Variants in NSD3 observed in about 807,000 individuals in gnomAD.
NSD3 encodes histone-lysine N-methyltransferase NSD3.
Under a neutral mutation model 160.8 loss-of-function variants are expected in NSD3, and 24 were observed. The observed-to-expected ratio is 0.15, with a 90% CI of 0.11 to 0.21. The LOEUF is 0.21. Among genes scored for constraint, NSD3 ranks in the 10% least tolerant of loss-of-function variants. The probability of loss-of-function intolerance (pLI) is 1.00; values close to 1 mark genes in which losing one functional copy is unlikely to be tolerated. For synonymous variants in NSD3, 520 were observed against 600.0 expected, an observed-to-expected ratio of 0.87 and a Z score of 1.95; for missense variants, 1,157 against 1,735.9, an observed-to-expected ratio of 0.67 and a Z score of 5.93.
chr8:38,281,140 GTTGA>G (rs1041008921), intron 20 of NSD3, among the ~76,000 whole-genome samples: 2 of 152,142 alleles, frequency 1.3e-5, no homozygotes, highest in African/African-American at 4.8e-5. Flanking sequence ...GAATCACAGA[GTTGA>G]TTCTCTCCTT....
chr8:38,316,922 A>T lies in NSD3; in HGVS notation c.1856-880T>A. 1 of 1,062,550 alleles carries T rather than the reference A, an allele frequency of 9.4e-7. No homozygotes were observed. The allele number at this position is 1,062,550 out of a possible 1,614,324, so 65.8% of individuals were successfully genotyped here. The stretch of plus-strand genomic sequence containing the variant: ...TATAGGCTATACAGAAACAGCCACG[A>T]TGAAATGTGCAGATCAGGCACGGTG... On this transcript the variant is annotated intron_variant, in intron 9 of 23. Coordinates refer to ENST00000317025, the MANE Select transcript of NSD3 (RefSeq NM_023034.2). The surrounding 1 kb of genome is among the most constrained non-coding windows in gnomAD (Gnocchi z 4.5).
chr8:38,285,159 C>A (rs1808830552), intron 19 of NSD3, among the ~76,000 whole-genome samples: 1 of 152,110 alleles, frequency 6.6e-6, no homozygotes, highest in Non-Finnish European at 1.5e-5. Flanking sequence ...GGCTGTCACT[C>A]AATATTTAAT....
chr8:38,382,009 G>C lies in NSD3; in HGVS notation c.-255C>G, dbSNP rs1185352134. Reference sequence around the variant, plus strand: ...GCCGGCACTGAGGAGGGCCACGGCCGGGCCGGGCCGGGCGTGCTGCGGGAA... The same window carrying C: ...GCCGGCACTGAGGAGGGCCACGGCCCGGCCGGGCCGGGCGTGCTGCGGGAA... On this transcript the variant is annotated 5_prime_UTR_variant, in exon 1 of 24. Transcript: ENST00000317025. This position sits in a 1 kb window ranked among gnomAD's most constrained non-coding sequence, Gnocchi z 4.2. The C allele has an allele frequency of 2.0e-5, 3 of 152,588 alleles. No individual in the cohort carries two copies. The highest frequency in any genetic ancestry group is 4.4e-5 in the Non-Finnish European group (3 of 68,080). 9.5% of individuals were successfully genotyped at this position (152,588 alleles called of 1,614,324 possible). A position where few individuals can be genotyped will look rare whatever the true frequency, so the allele number is the denominator to read the frequency against.
chr8:38,321,257 G>A lies in NSD3; in HGVS notation c.1709-85C>T. ...TAATTAAGATATGACCACATTCCTTGCTTTTCTTACCCATTACTTTTGGAA... is the reference window on the plus strand; with the variant it reads ...TAATTAAGATATGACCACATTCCTTACTTTTCTTACCCATTACTTTTGGAA... On this transcript the variant is annotated intron_variant, in intron 7 of 23. Coordinates refer to ENST00000317025, the MANE Select transcript of NSD3 (RefSeq NM_023034.2). This position sits in a 1 kb window ranked among gnomAD's most constrained non-coding sequence, Gnocchi z 4.7. The A allele has an allele frequency of 9.4e-7, 1 of 1,059,228 alleles. No homozygotes were observed. The highest frequency in any genetic ancestry group is 1.4e-6 in the Non-Finnish European group (1 of 738,730). 65.6% of individuals were successfully genotyped at this position (1,059,228 alleles called of 1,614,324 possible). A position where few individuals can be genotyped will look rare whatever the true frequency, so the allele number is the denominator to read the frequency against.
chr8:38,359,278 G>GTAAA lies in NSD3; in HGVS notation c.-44-11064_-44-11063insTTTA. Among the ~76,000 whole-genome samples, 7 of 152,092 alleles carry GTAAA rather than the reference G, an allele frequency of 4.6e-5. 1 individual carries two copies. In the East Asian group the frequency reaches 1.2e-3, roughly 25 times the overall value. On this transcript the variant is annotated intron_variant, in intron 1 of 23. Coordinates refer to ENST00000317025, the MANE Select transcript of NSD3 (RefSeq NM_023034.2). ...AAGCCCCTCATCCCTTTTTGAAGTA[G>GTAAA]TACATACATATTTTTAAAGGACCCA...
chr8:38,363,572 G>A (rs1258832345), intron 1 of NSD3, among the ~76,000 whole-genome samples: 3 of 149,528 alleles, frequency 2.0e-5, no homozygotes, highest in Admixed American at 1.3e-4. Flanking sequence ...AACCTGAGAG[G>A]CAGAGGTTGC....
At chr8:38,296,048 T>C in intron 15 of NSD3, 96 bp from the exon 16 acceptor site, 1 of 1,294,302 alleles carries the variant, frequency 7.7e-7, no homozygotes, top group South Asian at 1.6e-5. Context: ...TTAAATTTGT[T>C]TCAAATTGGG....
chr8:38,357,017 G>A (rs868495668), intron 1 of NSD3, among the ~76,000 whole-genome samples: 2 of 150,336 alleles, frequency 1.3e-5, no homozygotes, highest in South Asian at 4.2e-4. Context: ...TACTTGGGAA[G>A]GTGAGGCAGG....
At position 38,338,542 on chromosome 8, in the gene NSD3, T is replaced by A. The variant is rs1229717764; in HGVS notation, c.741A>T (p.Glu247Asp). Reference protein sequence around the residue: ...KPREEPVLKEEAPVQPILSSV... With the variant: ...KPREEPVLKEDAPVQPILSSV... The stretch of plus-strand genomic sequence containing the variant: ...ATTCAGTAAAACAACTTACTGGGGC[T>A]TCCTCTTTTAGTACTGGTTCTTCCC... The change falls in exon 3 of 24, where the codon GAA (glutamate) becomes GAT (aspartate). Residue 247 changes from glutamate (E) to aspartate (D), a missense_variant. Coordinates refer to ENST00000317025, the MANE Select transcript of NSD3 (RefSeq NM_023034.2). 3.7e-6 allele frequency: 6 copies of A among 1,613,698 alleles called. No homozygotes were observed. The highest frequency in any genetic ancestry group is 5.1e-6 in the Non-Finnish European group (6 of 1,179,664).
At chr8:38,304,801 G>A (rs548555272) in intron 13 of NSD3, 44 bp from the exon 14 acceptor site, 154 of 1,539,718 alleles carry the variant, frequency 1.0e-4, no homozygotes, top group South Asian at 2.7e-4. Flanking sequence ...AGGCATCAGC[G>A]GGACATAAAA....
intron 7 of NSD3, 134 bp downstream of exon 7, chr8:38,326,596 T>C (rs894964030): frequency 9.0e-7 from 1 of 1,109,682 alleles, no homozygotes; most frequent in Non-Finnish European, 1.2e-6. Context: ...AGTAACTGCT[T>C]TTATATTTTG....
Position 38,308,889 on chromosome 8 carries a change from T to C in NSD3, c.2243-3444A>G, listed in dbSNP as rs74302889. Among the ~76,000 whole-genome samples the C allele has an allele frequency of 6.2e-4, 94 of 152,234 alleles. 2 individuals carry two copies. The East Asian group carries it at 0.017, about 28-fold the overall frequency. On this transcript the variant is annotated intron_variant, in intron 12 of 23. Transcript: ENST00000317025. ...TAATATAAATGAAAATAGTGAAAACTAGTGCAAATGTTATGCTAACAGAGA... is the reference window on the plus strand; with the variant it reads ...TAATATAAATGAAAATAGTGAAAACCAGTGCAAATGTTATGCTAACAGAGA...
Position 38,319,088 on chromosome 8 carries a change from T to A in NSD3, c.1810-148A>T. The stretch of plus-strand genomic sequence containing the variant: ...ACTCAGTCCCATCTTTTGGGTAAAG[T>A]TCTCTGTCTCAAGATCAGGGAGGGT... On this transcript the variant is annotated intron_variant, in intron 8 of 23. Coordinates refer to ENST00000317025, the MANE Select transcript of NSD3 (RefSeq NM_023034.2). The surrounding 1 kb of genome is among the most constrained non-coding windows in gnomAD (Gnocchi z 4.1). 2 of 721,642 alleles carry A rather than the reference T, an allele frequency of 2.8e-6. No homozygotes were observed. The highest frequency in any genetic ancestry group is 3.9e-5 in the South Asian group (2 of 51,906). The allele number at this position is 721,642 out of a possible 1,614,324, so 44.7% of individuals were successfully genotyped here. A position where few individuals can be genotyped will look rare whatever the true frequency, so the allele number is the denominator to read the frequency against.
intron 6 of NSD3, among the ~76,000 whole-genome samples, chr8:38,327,678 A>G (rs1051754049): frequency 6.6e-6 from 1 of 152,180 alleles, no homozygotes; most frequent in Non-Finnish European, 1.5e-5. Context: ...CAGTAAGAGA[A>G]CTCTAGTCAT....
At chr8:38,374,108 C>G (rs1030911338) in intron 1 of NSD3, among the ~76,000 whole-genome samples, 1 of 151,170 alleles carries the variant, frequency 6.6e-6, no homozygotes, top group African/African-American at 2.4e-5. Context: ...GAGGAAGACC[C>G]TGTCTCAAAA....
At chr8:38,342,090 G>A (rs576687592) in intron 2 of NSD3, among the ~76,000 whole-genome samples, 1 of 152,250 alleles carries the variant, frequency 6.6e-6, no homozygotes, top group East Asian at 1.9e-4. Context: ...AAGAATTAAA[G>A]TTTTTTACAC....
intron 2 of NSD3, among the ~76,000 whole-genome samples, chr8:38,344,078 A>T (rs889757445): frequency 6.6e-6 from 1 of 152,134 alleles, no homozygotes; most frequent in Non-Finnish European, 1.5e-5. Flanking sequence ...TAAAATATAC[A>T]ATTTCAGTAG....
At chr8:38,310,638 T>G (rs1329650923) in intron 12 of NSD3, among the ~76,000 whole-genome samples, 1 of 151,920 alleles carries the variant, frequency 6.6e-6, no homozygotes, top group Non-Finnish European at 1.5e-5. Context: ...CTCCTGAGTA[T>G]TTGGGACTAT....
intron 19 of NSD3, among the ~76,000 whole-genome samples, chr8:38,286,381 C>T (rs866747214): frequency 6.6e-6 from 1 of 152,084 alleles, no homozygotes; most frequent in African/African-American, 2.4e-5. Flanking sequence ...GTTCTGCCAA[C>T]AACTGTGCAA....
Sources: gnomAD v4.1 joint callset for allele counts (sites outside exome capture counted in the v4.1 genomes callset) on GRCh38, gnomAD v4.1.1 for gene constraint, Gnocchi (gnomAD v3.1) non-coding constraint, MANE v1.5 for transcripts, NCBI Gene and HGNC (gene_info 2026-07-23, HGNC 2026-07-21) for gene names.